WSCD2: variants seen among roughly 807,000 people sequenced by gnomAD.
WSCD2 encodes WSC domain sialate O sulfotransferase 2.
A neutral mutation model predicts 55.7 loss-of-function variants in WSCD2; 28 were observed. The ratio of observed to expected loss-of-function variants is 0.50; its 90% CI spans 0.37 to 0.69. The LOEUF is 0.69. WSCD2 is among the 30% of genes least tolerant of loss of function. The pLI is 0.00. For missense variants in WSCD2, 616 were observed against 762.1 expected, an observed-to-expected ratio of 0.81 and a Z score of 2.26; for synonymous variants, 301 against 301.9, an observed-to-expected ratio of 1.00 and a Z score of 0.03.
At chr12:108,207,234 G>T (rs1885507652) in intron 3 of WSCD2, among the ~76,000 whole-genome samples, 2 of 152,146 alleles carry the variant, frequency 1.3e-5, no homozygotes, top group South Asian at 4.2e-4. Flanking sequence ...TCATGAAGAG[G>T]CTCTAATATG....
At chr12:108,150,669 C>CTT (rs1877892250) in intron 1 of WSCD2, among the ~76,000 whole-genome samples, 1 of 152,134 alleles carries the variant, frequency 6.6e-6, no homozygotes, top group Non-Finnish European at 1.5e-5. Context: ...GATATGCAGT[C>CTT]GGTGCTCAGT....
intron 4 of WSCD2, among the ~76,000 whole-genome samples, chr12:108,221,939 A>T (rs1034089638): frequency 6.6e-6 from 1 of 152,156 alleles, no homozygotes; most frequent in Admixed American, 6.5e-5. Flanking sequence ...AGACAGCAGG[A>T]GTCTGGGGGA....
intron 2 of WSCD2, among the ~76,000 whole-genome samples, chr12:108,197,834 C>T (rs909551327): frequency 1.3e-5 from 2 of 151,402 alleles, no homozygotes; most frequent in African/African-American, 4.9e-5. Flanking sequence ...CTTATAACCC[C>T]ACTCCCCTCA....
chr12:108,239,228 C>T (rs1322130437), intron 7 of WSCD2, among the ~76,000 whole-genome samples: 1 of 152,208 alleles, frequency 6.6e-6, no homozygotes, highest in Non-Finnish European at 1.5e-5. Context: ...CCACCCACCA[C>T]AGGCCCTTTG....
Position 108,164,161 on chromosome 12 carries a change from T to TTTTTTTTTTTTTTTTTTTG in WSCD2, c.-551-31120_-551-31119insTTTTTTTTTTTTTTTTTGT, listed in dbSNP as rs1555224811. Among the ~76,000 whole-genome samples, 14 of 146,086 alleles carry TTTTTTTTTTTTTTTTTTTG rather than the reference T, an allele frequency of 9.6e-5. 1 individual carries two copies. Among genetic ancestry groups the TTTTTTTTTTTTTTTTTTTG allele is most frequent in the South Asian group, 4.5e-4 (2 of 4,452 alleles). Reference sequence around the variant, plus strand: ...ATCCTTTTTTTTTTTTTTTTTTTTTTTCAGAGAGGGGGATGTTTGAAAACG... The same window carrying TTTTTTTTTTTTTTTTTTTG: ...ATCCTTTTTTTTTTTTTTTTTTTTTTTTTTTTTTTTTTTTTTTTGTCAGAGAGGGGGATGTTTGAAAACG... On this transcript the variant is annotated intron_variant, in intron 1 of 8. Coordinates refer to ENST00000547525, the MANE Select transcript of WSCD2 (RefSeq NM_014653.4).
chr12:108,206,467 G>C, intron 3 of WSCD2, 64 bp downstream of exon 3: 1 of 1,514,564 alleles, frequency 6.6e-7, no homozygotes, highest in Non-Finnish European at 9.1e-7. Flanking sequence ...CCCACCTGTG[G>C]TATTCTTTGC....
At chr12:108,174,840 C>A (rs1183346823) in intron 1 of WSCD2, among the ~76,000 whole-genome samples, 1 of 152,142 alleles carries the variant, frequency 6.6e-6, no homozygotes, top group Non-Finnish European at 1.5e-5. Flanking sequence ...CAGATTTGGC[C>A]TTGAACTCTG....
intron 1 of WSCD2, among the ~76,000 whole-genome samples, chr12:108,165,354 T>C (rs1237768533): frequency 1.3e-5 from 2 of 152,212 alleles, no homozygotes; most frequent in African/African-American, 4.8e-5. Flanking sequence ...CTATTGTGCA[T>C]ACCCAGGCTC....
At chr12:108,186,616 T>A (rs1457310936) in intron 1 of WSCD2, among the ~76,000 whole-genome samples, 3 of 152,256 alleles carry the variant, frequency 2.0e-5, no homozygotes, top group Non-Finnish European at 2.9e-5. Context: ...TGTAGCTTTT[T>A]CAGATTGGCT....
intron 4 of WSCD2, among the ~76,000 whole-genome samples, chr12:108,223,633 GC>G (rs1057256757): frequency 2.6e-5 from 4 of 152,146 alleles, no homozygotes; most frequent in Non-Finnish European, 1.5e-5. Context: ...GATGCTATAG[GC>G]ACCCACCCAA....
chr12:108,192,583 G>A (rs761948154), intron 1 of WSCD2, among the ~76,000 whole-genome samples: 40 of 152,182 alleles, frequency 2.6e-4, no homozygotes, highest in Non-Finnish European at 3.4e-4. Flanking sequence ...CAACTCCTGA[G>A]CTTGGCATCC....
intron 1 of WSCD2, among the ~76,000 whole-genome samples, chr12:108,166,079 C>T (rs916138969): frequency 6.6e-6 from 1 of 152,164 alleles, no homozygotes; most frequent in Non-Finnish European, 1.5e-5. Flanking sequence ...TGGAATCTTC[C>T]CTTATGCTGA....
chr12:108,218,353 T>A (rs1017386056), intron 4 of WSCD2, among the ~76,000 whole-genome samples: 8 of 152,276 alleles, frequency 5.3e-5, no homozygotes, highest in African/African-American at 1.9e-4. Context: ...AAGTCTTCTG[T>A]TCCTCAGCCA....
Position 108,169,420 on chromosome 12 carries a change from C to T in WSCD2, c.-551-25862C>T, listed in dbSNP as rs201611787. 5.3e-5 allele frequency among the ~76,000 whole-genome samples: 8 copies of T among 152,008 alleles called. No individual in the cohort carries two copies. The East Asian group carries it at 1.5e-3, about 29-fold the overall frequency. On this transcript the variant is annotated intron_variant, in intron 1 of 8. Transcript: ENST00000547525. ...TGGGGACCACTGTTCTAGGGTATTC[C>T]CCTAGCTCTGCTGAGAGCACAGAAT...
rs888062435 is a variant in WSCD2 at position 108,173,178 on chromosome 12, C to A, written c.-551-22104C>A. ...TAAGACACAAGACATGGCACCCTTG[C>A]TGCTGCTTCACTAGCAAAGCCCCAG... On this transcript the variant is annotated intron_variant, in intron 1 of 8. Transcript: ENST00000547525. 1.4e-4 allele frequency among the ~76,000 whole-genome samples: 21 copies of A among 152,308 alleles called. No individual in the cohort carries two copies. The South Asian group carries it at 4.4e-3, about 32-fold the overall frequency.
intron 1 of WSCD2, among the ~76,000 whole-genome samples, chr12:108,184,524 G>A (rs906816991): frequency 3.3e-5 from 5 of 152,214 alleles, no homozygotes; most frequent in Non-Finnish European, 7.3e-5. Context: ...GTTTGCGGCT[G>A]GGAGCAATGG....
At chr12:108,188,960 G>A (rs1356244226) in intron 1 of WSCD2, among the ~76,000 whole-genome samples, 1 of 152,156 alleles carries the variant, frequency 6.6e-6, no homozygotes, top group East Asian at 1.9e-4. Flanking sequence ...ATATGCCGAT[G>A]TCTCATCATT....
chr12:108,130,636 A>T (rs1048853993), intron 1 of WSCD2, among the ~76,000 whole-genome samples: 1 of 152,030 alleles, frequency 6.6e-6, no homozygotes, highest in South Asian at 2.1e-4. Flanking sequence ...CCTTGGCAGA[A>T]CCACTAGGAA....
chr12:108,206,677 G>C (rs1020659709), intron 3 of WSCD2, among the ~76,000 whole-genome samples: 1 of 152,206 alleles, frequency 6.6e-6, no homozygotes, highest in Non-Finnish European at 1.5e-5. Context: ...CAGGGTACAG[G>C]GTCAGCTAGC....
Sources: allele counts gnomAD v4.1 joint callset (sites outside exome capture counted in the v4.1 genomes callset), GRCh38; gene constraint gnomAD v4.1.1; transcripts MANE v1.5; gene names NCBI Gene and HGNC (gene_info 2026-07-23, HGNC 2026-07-21).